SLC66A1: variants seen among roughly 807,000 people sequenced by gnomAD.
The protein encoded by SLC66A1 is solute carrier family 66 member 1, also known as lysosomal amino acid transporter 1 homolog.
A neutral mutation model predicts 33.0 loss-of-function variants in SLC66A1; 23 were observed. The ratio of observed to expected loss-of-function variants is 0.70; its 90% CI spans 0.50 to 0.99. The LOEUF is 0.99. Among genes scored for constraint, SLC66A1 ranks in the 50% least tolerant of loss-of-function variants. The pLI, the probability that SLC66A1 is intolerant of heterozygous loss-of-function variation, is 0.00. For missense variants in SLC66A1, 335 were observed against 383.6 expected, an observed-to-expected ratio of 0.87 and a Z score of 1.06; for synonymous variants, 164 against 175.5, an observed-to-expected ratio of 0.93 and a Z score of 0.52.
rs143243971 is a variant in SLC66A1 at position 19,327,308 on chromosome 1, G to A, written c.700G>A (p.Val234Met). ...GGGGAACACGCTGTATGGGCTGAGCGTGCTGCTCAAAAACCCCGAGGAGGG... is the reference window on the plus strand; with the variant it reads ...GGGGAACACGCTGTATGGGCTGAGCATGCTGCTCAAAAACCCCGAGGAGGG... ...MLGNTLYGLS[V>M]LLKNPEEGQS... Residue 234 changes from valine to methionine, a missense_variant, in exon 7 of 8, where the codon GTG (valine) becomes ATG (methionine). Coordinates refer to ENST00000375153, the MANE Select transcript of SLC66A1 (RefSeq NM_001040125.2). 1.9e-5 allele frequency: 30 copies of A among 1,613,588 alleles called. No individual in the cohort carries two copies. Among genetic ancestry groups the A allele is most frequent in the East Asian group, 4.5e-5 (2 of 44,874 alleles).
rs767866215 is a variant in SLC66A1 at position 19,328,835 on chromosome 1, G to A, written c.*192G>A. ...GAAGCCTCAAGGCCGGGGCTGGAGC[G>A]GAGACCCCAGGGCCTCTCAGGAGAC... is the stretch of plus-strand genomic sequence containing the variant. On this transcript the variant is annotated 3_prime_UTR_variant, in exon 8 of 8. Coordinates refer to ENST00000375153, the MANE Select transcript of SLC66A1 (RefSeq NM_001040125.2). The surrounding 1 kb of genome is among the most constrained non-coding windows in gnomAD (Gnocchi z 4.7). 30 of 629,742 alleles carry A rather than the reference G, an allele frequency of 4.8e-5. No homozygotes were observed. The highest frequency in any genetic ancestry group is 1.9e-4 in the East Asian group (7 of 36,140). 39.0% of individuals were successfully genotyped at this position (629,742 alleles called of 1,614,324 possible).
chr1:19,332,984 CTG>C (rs1052954062), downstream of SLC66A1, among the ~76,000 whole-genome samples: 2 of 152,224 alleles, frequency 1.3e-5, no homozygotes, highest in African/African-American at 4.8e-5. Flanking sequence ...GAACGAGACA[CTG>C]TATGGGGAAG....
chr1:19,327,705 A>G, intron 7 of SLC66A1: 1 of 586,672 alleles, frequency 1.7e-6, no homozygotes, highest in Non-Finnish European at 3.4e-6. Flanking sequence ...TCAAAGAATT[A>G]CTTCATTGCA....
Position 19,328,626 on chromosome 1 carries a change from C to T in SLC66A1, c.859C>T (p.Pro287Ser). 6.2e-7 allele frequency: 1 copy of T among 1,613,706 alleles called. No homozygotes were observed. The highest frequency in any genetic ancestry group is 1.1e-5 in the South Asian group (1 of 91,018). ...RRSTAASELE[P>S]LLPS Reference sequence around the variant, plus strand: ...CAGCACCGCCGCCTCGGAGCTTGAGCCCCTCCTCCCCAGCTGACCAGAACC... The same window carrying T: ...CAGCACCGCCGCCTCGGAGCTTGAGTCCCTCCTCCCCAGCTGACCAGAACC... The change falls in exon 8 of 8, where the codon CCC becomes TCC. Residue 287 changes from proline to serine, a missense_variant. Physicochemically the swap from Pro to Ser is moderately conservative, Grantham distance 74 (BLOSUM62 -1). Transcript: ENST00000375153. The surrounding 1 kb of genome is among the most constrained non-coding windows in gnomAD (Gnocchi z 4.7).
At position 19,326,410 on chromosome 1, in the gene SLC66A1, G is replaced by A. The variant is rs116238753; in HGVS notation, c.525+23G>A. 769 of 1,605,058 alleles carry A rather than the reference G, an allele frequency of 4.8e-4. 4 individuals are homozygous for A. The African/African-American group carries it at 8.9e-3, about 18-fold the overall frequency. ...AAGGTGAGGCGTGGGCGTGGCGGTC[G>A]AAGGGATGGAGGCTGGCTCATCCCC... is the stretch of plus-strand genomic sequence containing the variant. On this transcript the variant is annotated intron_variant, in intron 5 of 7. Transcript: ENST00000375153.
intron 5 of SLC66A1, 35 bp downstream of exon 5, chr1:19,326,422 G>T (rs761050553): frequency 6.2e-7 from 1 of 1,606,048 alleles, no homozygotes; most frequent in Non-Finnish European, 8.5e-7. Context: ...AGGGATGGAG[G>T]CTGGCTCATC....
At chr1:19,320,997 A>C (rs951415193) in intron 2 of SLC66A1, among the ~76,000 whole-genome samples, 1 of 149,686 alleles carries the variant, frequency 6.7e-6, no homozygotes, top group African/African-American at 2.5e-5. Context: ...ACAACTGTGA[A>C]CCACCCTGCT....
At chr1:19,313,745 T>A (rs1253130565) in intron 1 of SLC66A1, among the ~76,000 whole-genome samples, 1 of 152,080 alleles carries the variant, frequency 6.6e-6, no homozygotes, top group African/African-American at 2.4e-5. Flanking sequence ...GTTCTTGGAG[T>A]AACTTGAGGC....
intron 2 of SLC66A1, among the ~76,000 whole-genome samples, chr1:19,320,318 C>G (rs2093827910): frequency 2.0e-5 from 3 of 151,704 alleles, no homozygotes; most frequent in Admixed American, 1.3e-4. Flanking sequence ...ATTTGTCAGA[C>G]TGTTTTTCAA....
intron 2 of SLC66A1, among the ~76,000 whole-genome samples, chr1:19,319,758 C>T (rs963048505): frequency 6.6e-6 from 1 of 150,670 alleles, no homozygotes; most frequent in African/African-American, 2.4e-5. Context: ...CAAAAATTAG[C>T]GGGGTGTGGT....
chr1:19,324,824 C>G (rs1362225301), intron 3 of SLC66A1, 62 bp downstream of exon 3: 2 of 1,589,572 alleles, frequency 1.3e-6, no homozygotes, highest in African/African-American at 2.7e-5. Context: ...GCAGGGTTGC[C>G]TGAGGAGATG....
rs1489113938 is a variant in SLC66A1 at position 19,317,817 on chromosome 1, T to C, written c.140T>C (p.Leu47Pro). The C allele has an allele frequency of 6.2e-7, 1 of 1,613,960 alleles. No individual in the cohort carries two copies. The highest frequency in any genetic ancestry group is 1.3e-5 in the African/African-American group (1 of 74,916). The change falls in exon 2 of 8, where the codon CTC (leucine) becomes CCC (proline). Residue 47 changes from leucine (L) to proline (P), a missense_variant. Physicochemically the swap from Leu to Pro is moderately conservative, Grantham distance 98. Transcript: ENST00000375153. ...ASVGLGLISI[L>P]CFAASTFPQF... is the part of the protein sequence containing the mutation. ...GTGGGCCTGGGCTTGATCTCCATTC[T>C]CTGCTTTGCTGCATCTACCTTCCCG...
chr1:19,328,719 G>A lies in SLC66A1; in HGVS notation c.*76G>A, dbSNP rs2093882874. On this transcript the variant is annotated 3_prime_UTR_variant, in exon 8 of 8. Coordinates refer to ENST00000375153, the MANE Select transcript of SLC66A1 (RefSeq NM_001040125.2). The surrounding 1 kb of genome is among the most constrained non-coding windows in gnomAD (Gnocchi z 4.7). ...GGCAGGAGGAGGTGTGGACAGTGAT[G>A]GTACGGCGGCCCTGCATCAGCCTGC... 3 of 1,503,218 alleles carry A rather than the reference G, an allele frequency of 2.0e-6. No homozygotes were observed. The highest frequency in any genetic ancestry group is 3.6e-5 in the Admixed American group (2 of 55,040). 93.1% of individuals were successfully genotyped at this position (1,503,218 alleles called of 1,614,324 possible).
chr1:19,320,606 G>A (rs191815497), intron 2 of SLC66A1, among the ~76,000 whole-genome samples: 110 of 151,552 alleles, frequency 7.3e-4, no homozygotes, highest in Middle Eastern at 6.8e-3. Flanking sequence ...TAGTAGAGAC[G>A]GGGTTTCACC....
intron 1 of SLC66A1, among the ~76,000 whole-genome samples, chr1:19,315,921 G>A (rs2093802757): frequency 6.6e-6 from 1 of 152,206 alleles, no homozygotes; most frequent in Non-Finnish European, 1.5e-5. Flanking sequence ...GCTCCTTGTG[G>A]ATATCAGTGG....
At chr1:19,331,463 C>A (rs1011809364), downstream of SLC66A1, among the ~76,000 whole-genome samples, 1 of 152,190 alleles carries the variant, frequency 6.6e-6, no homozygotes, top group Non-Finnish European at 1.5e-5. Flanking sequence ...GTGTCCCCTT[C>A]CTCCATCCTT....
chr1:19,323,040 T>C (rs2093845909), intron 2 of SLC66A1, among the ~76,000 whole-genome samples: 1 of 152,014 alleles, frequency 6.6e-6, no homozygotes, highest in Non-Finnish European at 1.5e-5. Flanking sequence ...CACTCCACAC[T>C]TGGCTAATTT....
intron 1 of SLC66A1, among the ~76,000 whole-genome samples, chr1:19,315,524 CTG>C (rs1406682998): frequency 1.3e-5 from 2 of 152,362 alleles, no homozygotes; most frequent in East Asian, 1.9e-4. Flanking sequence ...TCCCTGGTCT[CTG>C]TGTCCTCAGC....
intron 2 of SLC66A1, 120 bp from the exon 3 acceptor site, chr1:19,324,513 A>G (rs2093853214): frequency 3.3e-5 from 43 of 1,300,162 alleles, no homozygotes; most frequent in Non-Finnish European, 4.4e-5. Context: ...CCGCCAGGCC[A>G]CTTCCTCTCC....
Sources: gnomAD v4.1 joint callset for allele counts (sites outside exome capture counted in the v4.1 genomes callset) on GRCh38, gnomAD v4.1.1 for gene constraint, Gnocchi (gnomAD v3.1) non-coding constraint, MANE v1.5 for transcripts, NCBI Gene and HGNC (gene_info 2026-07-23, HGNC 2026-07-21) for gene names.